Variants in ITGB4 observed in about 807,000 individuals in gnomAD.
ITGB4 encodes the protein integrin beta-4.
ITGB4 carries 159 observed loss-of-function variants against 207.6 expected under a neutral mutation model. The ratio of observed to expected loss-of-function variants is 0.77; its 90% CI spans 0.67 to 0.87. ITGB4 has a LOEUF of 0.87. Among genes scored for constraint, ITGB4 ranks in the 40% least tolerant of loss-of-function variants. ITGB4 has a pLI of 0.00. For synonymous variants in ITGB4, 1,020 were observed against 1,062.7 expected, an observed-to-expected ratio of 0.96 and a Z score of 0.78; for missense variants, 2,278 against 2,546.8, an observed-to-expected ratio of 0.89 and a Z score of 2.27.
chr17:75,757,288 C>T lies in ITGB4; in HGVS notation c.5307C>T (p.Ser1769=), dbSNP rs145897252. Residue 1769 remains serine, a synonymous_variant, in exon 39 of 40, where the codon AGC becomes AGT. Coordinates refer to ENST00000200181, the MANE Select transcript of ITGB4 (RefSeq NM_000213.5). ...GCAGCATCACCACCACCCACACCAG[C>T]GCCACCGAGCCCTTCCTAGTGGGTG... The part of the protein sequence containing the change: ...EYSSITTTHT[S]ATEPFLVDGL... The T allele has an allele frequency of 6.9e-5, 112 of 1,611,896 alleles. 1 individual carries two copies. The highest frequency in any genetic ancestry group is 6.7e-4 in the African/African-American group (50 of 75,010).
chr17:75,752,100 C>A, intron 30 of ITGB4, 74 bp from the exon 31 acceptor site: 2 of 1,506,024 alleles, frequency 1.3e-6, no homozygotes, highest in Non-Finnish European at 1.8e-6. Flanking sequence ...GCACGGCCGT[C>A]CTGCTGTGTC....
Position 75,740,876 on chromosome 17 carries a change from G to T in ITGB4, c.2609+25G>T. ...GGTGAGTCCCGGGGTGCCCGGGTTG[G>T]GTGGGGGAGCCGCTCCTACCGGGAC... On this transcript the variant is annotated intron_variant, in intron 22 of 39. Coordinates refer to ENST00000200181, the MANE Select transcript of ITGB4 (RefSeq NM_000213.5). This position sits in a 1 kb window ranked among gnomAD's most constrained non-coding sequence, Gnocchi z 5.9. The T allele has an allele frequency of 6.2e-7, 1 of 1,613,606 alleles. No homozygotes were observed.
At position 75,731,044 on chromosome 17, in the gene ITGB4, G is replaced by A; in HGVS notation, c.1092+80G>A. The A allele has an allele frequency of 1.4e-6, 2 of 1,447,204 alleles. No individual in the cohort carries two copies. Among genetic ancestry groups the A allele is most frequent in the Non-Finnish European group, 1.9e-6 (2 of 1,032,744 alleles). The allele number at this position is 1,447,204 out of a possible 1,614,324, so 89.6% of individuals were successfully genotyped here. ...GGGCAGGGTGGGCAAGAGGTGTCTT[G>A]GATCACGGTGGAGAAATGGGTCTGG... On this transcript the variant is annotated intron_variant, in intron 9 of 39. Coordinates refer to ENST00000200181, the MANE Select transcript of ITGB4 (RefSeq NM_000213.5). The surrounding 1 kb of genome is among the most constrained non-coding windows in gnomAD (Gnocchi z 6.8).
chr17:75,736,637 G>A lies in ITGB4; in HGVS notation c.1933G>A (p.Gly645Arg), dbSNP rs1713242483. The change falls in exon 16 of 40, where the codon GGG becomes AGG. Residue 645 changes from glycine to arginine, a missense_variant. Transcript: ENST00000200181. ...CQAWGTGEKK[G>R]RTCEECNFKV... is the part of the protein sequence containing the mutation. ...GGCGTGGGGCACCGGCGAGAAGAAG[G>A]GGCGCACGTGTGAGGAATGCAACTT... The A allele has an allele frequency of 6.2e-7, 1 of 1,601,126 alleles. No individual in the cohort carries two copies. The highest frequency in any genetic ancestry group is 8.5e-7 in the Non-Finnish European group (1 of 1,174,828).
rs774671836 is a variant in ITGB4, at chr17:75,737,421, C to T, written c.2090C>T (p.Thr697Ile). ...EGDGAPGPNS[T>I]VLVHKKKDCP... ...GACGGCGCCCCTGGGCCCAACAGCA[C>T]TGTCCTGGTGCACAAGAAGAAGGGT... is the stretch of plus-strand genomic sequence containing the variant. The change falls in exon 17 of 40, where the codon ACT becomes ATT. Residue 697 changes from threonine (T) to isoleucine (I), a missense_variant. Physicochemically the swap from Thr to Ile is moderately conservative, Grantham distance 89 (BLOSUM62 -1). Transcript: ENST00000200181. The T allele has an allele frequency of 1.3e-6, 2 of 1,556,974 alleles. No individual in the cohort carries two copies. Among genetic ancestry groups the T allele is most frequent in the Non-Finnish European group, 1.7e-6 (2 of 1,150,288 alleles).
At position 75,753,779 on chromosome 17, in the gene ITGB4, T is replaced by C. The variant is rs1436560329; in HGVS notation, c.4123T>C (p.Phe1375Leu). Residue 1375 changes from phenylalanine (F) to leucine (L), a missense_variant, in exon 33 of 40, where the codon TTC becomes CTC. Transcript: ENST00000200181. ...VSDDTGCGWK[F>L]EPLLGEELDL... ...TTGTTCCCAAGGCTGCGGCTGGAAG[T>C]TCGAGCCCCTGCTGGGGGAGGAGCT... is the stretch of plus-strand genomic sequence containing the variant. 1 of 1,452,546 alleles carries C rather than the reference T, an allele frequency of 6.9e-7. No homozygotes were observed. Among genetic ancestry groups the C allele is most frequent in the South Asian group, 1.4e-5 (1 of 69,058 alleles). 90.0% of individuals were successfully genotyped at this position (1,452,546 alleles called of 1,614,324 possible). A position where few individuals can be genotyped will look rare whatever the true frequency, so the allele number is the denominator to read the frequency against.
intron 30 of ITGB4, chr17:75,751,736 G>A (rs1360512586): frequency 1.7e-5 from 4 of 237,646 alleles, no homozygotes; most frequent in Admixed American, 5.2e-5. Context: ...GCCAGACTCC[G>A]TCTAAAAATA....
At chr17:75,737,493 G>C (rs112763458) in intron 17 of ITGB4, 45 bp from the exon 18 acceptor site, 2 of 1,554,132 alleles carry the variant, frequency 1.3e-6, no homozygotes, top group South Asian at 2.4e-5. Context: ...GCCAGAGCTC[G>C]GTGGGGAGGA....
In ITGB4 at chr17:75,750,825, A is replaced by C. The variant is rs747029544; in HGVS notation, c.3620A>C (p.Tyr1207Ser). ...TACGGGGCTCAGGGCGAGGGACCCT[A>C]CAGCTCCCTGGTGTCCTGCCGCACC... ...CAYGAQGEGP[Y>S]SSLVSCRTHQ... The change falls in exon 29 of 40, where the codon TAC becomes TCC. Residue 1207 changes from tyrosine to serine, a missense_variant. Physicochemically the swap from Tyr to Ser is moderately radical, Grantham distance 144. Transcript: ENST00000200181. The surrounding 1 kb of genome is among the most constrained non-coding windows in gnomAD (Gnocchi z 5.5). 6.2e-7 allele frequency: 1 copy of C among 1,613,330 alleles called. No individual in the cohort carries two copies.
rs2143090576 is a variant in ITGB4 at position 75,740,652 on chromosome 17, G to C, written c.2551-141G>C. 1 of 1,068,606 alleles carries C rather than the reference G, an allele frequency of 9.4e-7. No individual in the cohort carries two copies. The highest frequency in any genetic ancestry group is 2.5e-5 in the East Asian group (1 of 40,618). The allele number at this position is 1,068,606 out of a possible 1,614,324, so 66.2% of individuals were successfully genotyped here. A position where few individuals can be genotyped will look rare whatever the true frequency, so the allele number is the denominator to read the frequency against. ...GGCAGAAGGCCAGAGCCTGGGCCCAGGATGCTGCCCCACGGGGCATGCCCC... is the reference window on the plus strand; with the variant it reads ...GGCAGAAGGCCAGAGCCTGGGCCCACGATGCTGCCCCACGGGGCATGCCCC... On this transcript the variant is annotated intron_variant, in intron 21 of 39. Coordinates refer to ENST00000200181, the MANE Select transcript of ITGB4 (RefSeq NM_000213.5). This position sits in a 1 kb window ranked among gnomAD's most constrained non-coding sequence, Gnocchi z 5.9.
At chr17:75,728,808 C>A (rs2060783508) in intron 6 of ITGB4, among the ~76,000 whole-genome samples, 1 of 151,994 alleles carries the variant, frequency 6.6e-6, no homozygotes, top group Non-Finnish European at 1.5e-5. Context: ...CACGGTGAAA[C>A]CCCGTCTCTA....
In ITGB4 at chr17:75,750,371, C is replaced by T. The variant is rs936397918; in HGVS notation, c.3474+103C>T. The T allele has an allele frequency of 8.2e-7, 1 of 1,220,870 alleles. No homozygotes were observed. The highest frequency in any genetic ancestry group is 1.1e-6 in the Non-Finnish European group (1 of 874,940). 75.6% of individuals were successfully genotyped at this position (1,220,870 alleles called of 1,614,324 possible). On this transcript the variant is annotated intron_variant, in intron 28 of 39. Coordinates refer to ENST00000200181, the MANE Select transcript of ITGB4 (RefSeq NM_000213.5). This position sits in a 1 kb window ranked among gnomAD's most constrained non-coding sequence, Gnocchi z 5.5. Reference sequence around the variant, plus strand: ...AAGGCCAGGGCCCCCTGAGAGAGAGCAGACAGTGGAACCTAGCACAGGTGG... The same window carrying T: ...AAGGCCAGGGCCCCCTGAGAGAGAGTAGACAGTGGAACCTAGCACAGGTGG...
intron 8 of ITGB4, 27 bp downstream of exon 8, chr17:75,730,531 G>C: frequency 1.2e-6 from 2 of 1,612,824 alleles, no homozygotes; most frequent in East Asian, 4.5e-5. Context: ...CCACGGGTGG[G>C]AGGTGGTCAA....
chr17:75,746,487 T>G (rs935547893), intron 26 of ITGB4: 1 of 151,174 alleles, frequency 6.6e-6, no homozygotes, highest in Admixed American at 6.6e-5. Flanking sequence ...CACCTCAGCC[T>G]CCCAAAGTGC....
rs540057415 is a variant in ITGB4, at chr17:75,751,438, C to T, written c.3793+327C>T. ...TTTCTTAGGGTGAGAGGAAAGTTAC[C>T]GGATTTAGCAAACAGAAATACAGGA... On this transcript the variant is annotated intron_variant, in intron 30 of 39. Coordinates refer to ENST00000200181, the MANE Select transcript of ITGB4 (RefSeq NM_000213.5). Among the ~76,000 whole-genome samples the T allele has an allele frequency of 3.9e-5, 6 of 152,258 alleles. No individual in the cohort carries two copies. In the South Asian group the frequency reaches 1.0e-3, roughly 26 times the overall value.
chr17:75,738,695 CAA>C (rs1437986906), intron 18 of ITGB4, among the ~76,000 whole-genome samples: 4 of 152,358 alleles, frequency 2.6e-5, no homozygotes, highest in Admixed American at 1.3e-4. Flanking sequence ...GGAGAACAGA[CAA>C]GAGAAAGCGT....
chr17:75,754,046 G>C, intron 33 of ITGB4, 72 bp downstream of exon 33: 1 of 711,664 alleles, frequency 1.4e-6, no homozygotes, highest in Non-Finnish European at 2.0e-6. Context: ...CCTGGGGTGG[G>C]CGTCTGCGCT....
intron 26 of ITGB4, 34 bp downstream of exon 26, chr17:75,743,895 CG>C (rs1599278326): frequency 6.5e-7 from 1 of 1,549,286 alleles, no homozygotes; most frequent in East Asian, 2.4e-5. Flanking sequence ...GGGTGCAGCC[CG>C]GGGGGCTGCG....
At chr17:75,753,720 C>A (rs764555355) in intron 32 of ITGB4, 45 bp from the exon 33 acceptor site, 1 of 1,299,994 alleles carries the variant, frequency 7.7e-7, no homozygotes, top group Non-Finnish European at 9.9e-7. Flanking sequence ...CTGCTCGGCC[C>A]GGCGCCCCCC....
Sources: gnomAD v4.1 joint callset for allele counts (sites outside exome capture counted in the v4.1 genomes callset) on GRCh38, gnomAD v4.1.1 for gene constraint, Gnocchi (gnomAD v3.1) non-coding constraint, MANE v1.5 for transcripts, NCBI Gene and HGNC (gene_info 2026-07-23, HGNC 2026-07-21) for gene names.